The following SEPSECS variants were observed in gnomAD, a reference collection of about 807,000 sequenced individuals.
SEPSECS encodes the protein O-phosphoseryl-tRNA(Sec) selenium transferase.
In SEPSECS, 42 loss-of-function variants were observed where a neutral mutation model predicts 52.1. The observed-to-expected ratio is 0.81, with a 90% CI of 0.63 to 1.04. The LOEUF (loss-of-function observed/expected upper bound fraction) is 1.04, where lower values mean the gene tolerates loss of function less well. Ranked by LOEUF, SEPSECS falls within the 50% of genes least tolerant of loss-of-function variation. The pLI is 0.00. For synonymous variants in SEPSECS, 216 were observed against 211.4 expected, an observed-to-expected ratio of 1.02 and a Z score of -0.19; for missense variants, 590 against 610.6, an observed-to-expected ratio of 0.97 and a Z score of 0.36.
chr4:25,151,292 G>A (rs1020202108), intron 6 of SEPSECS, among the ~76,000 whole-genome samples: 1 of 152,158 alleles, frequency 6.6e-6, no homozygotes, highest in African/African-American at 2.4e-5. Flanking sequence ...AAGAGCAAAG[G>A]CCTGGAAGTG....
rs775102676 is a variant in SEPSECS, at chr4:25,123,960, G to T, written c.1477C>A (p.Leu493Ile). 1 of 1,613,396 alleles carries T rather than the reference G, an allele frequency of 6.2e-7. No individual in the cohort carries two copies. Among genetic ancestry groups the T allele is most frequent in the East Asian group, 2.2e-5 (1 of 44,882 alleles). ...EMALKLDNVL[L>I]DTYQDASS ...GAAGAAGCATCCTGGTATGTGTCAAGAAGTACATTATCTAGTTTTAAAGCC... is the reference window on the plus strand; with the variant it reads ...GAAGAAGCATCCTGGTATGTGTCAATAAGTACATTATCTAGTTTTAAAGCC... Residue 493 changes from leucine to isoleucine, a missense_variant, in exon 11 of 11, where the codon CTT becomes ATT. Coordinates refer to ENST00000382103, the MANE Select transcript of SEPSECS (RefSeq NM_016955.4).
chr4:25,127,967 G>T (rs1000375427), intron 8 of SEPSECS, among the ~76,000 whole-genome samples: 7 of 152,148 alleles, frequency 4.6e-5, no homozygotes, highest in Non-Finnish European at 8.8e-5. Flanking sequence ...TGCTTTCCCT[G>T]CATTTCCTAG....
Position 25,124,187 on chromosome 4 carries a change from T to C in SEPSECS, c.1250A>G (p.Tyr417Cys), listed in dbSNP as rs762180254. 41 of 1,613,450 alleles carry C rather than the reference T, an allele frequency of 2.5e-5. No individual in the cohort carries two copies. The highest frequency in any genetic ancestry group is 1.3e-5 in the African/African-American group (1 of 74,884). Reference protein sequence around the residue: ...PLGSMQTVSGYTFRGFMSHTN... With the variant: ...PLGSMQTVSGCTFRGFMSHTN... ...ATGTGACATAAAGCCTCTGAAAGTA[T>C]AGCCACTCACAGTTTGCATGGACCC... is the stretch of plus-strand genomic sequence containing the variant. Residue 417 changes from tyrosine to cysteine, a missense_variant, in exon 11 of 11, where the codon TAT becomes TGT. Transcript: ENST00000382103.
rs1560336118 is a variant in SEPSECS, at chr4:25,156,140, T to TA, written c.443dup (p.Thr149AsnfsTer29). 8.7e-6 allele frequency: 14 copies of TA among 1,614,060 alleles called. No homozygotes were observed. Among genetic ancestry groups the TA allele is most frequent in the Non-Finnish European group, 1.1e-5 (13 of 1,179,942 alleles). ...GTCGTAATGTTAAGAAACACAGAGT[T>TA]AGACTCATACCAGTTGCCATAGGAA... is the stretch of plus-strand genomic sequence containing the variant. On this transcript the variant is annotated frameshift_variant, in exon 4 of 11. Transcript: ENST00000382103. LOFTEE classifies it high-confidence loss of function.
intron 8 of SEPSECS, among the ~76,000 whole-genome samples, chr4:25,139,384 C>CTTTTTTTTTTTTT (rs5856888): frequency 9.2e-6 from 1 of 108,848 alleles, no homozygotes; most frequent in African/African-American, 3.5e-5. Context: ...AAAGTTGTGT[C>CTTTTTTTTTTTTT]TTTTTTTTTT....
chr4:25,120,427 G>A lies in SEPSECS; in HGVS notation c.*3504C>T, dbSNP rs1728073917. 6.6e-6 allele frequency: 1 copy of A among 152,108 alleles called. No individual in the cohort carries two copies. Among genetic ancestry groups the A allele is most frequent in the African/African-American group, 2.4e-5 (1 of 41,436 alleles). 9.4% of individuals were successfully genotyped at this position (152,108 alleles called of 1,614,324 possible). A position where few individuals can be genotyped will look rare whatever the true frequency, so the allele number is the denominator to read the frequency against. The stretch of plus-strand genomic sequence containing the variant: ...AGTGAGTGTTAGGTCTGTTTACTAA[G>A]ATTGGCCATAAGAGACATTAACCAA... On this transcript the variant is annotated 3_prime_UTR_variant, in exon 11 of 11. Transcript: ENST00000382103.
intron 8 of SEPSECS, among the ~76,000 whole-genome samples, chr4:25,127,687 C>T (rs894329045): frequency 3.3e-5 from 5 of 152,128 alleles, no homozygotes; most frequent in African/African-American, 1.2e-4. Context: ...GCAATAGATC[C>T]TAAATGATTT....
intron 8 of SEPSECS, among the ~76,000 whole-genome samples, chr4:25,139,384 C>CTTTTTTTT (rs5856888): frequency 2.8e-5 from 3 of 108,848 alleles, no homozygotes; most frequent in Non-Finnish European, 3.5e-5. Context: ...AAAGTTGTGT[C>CTTTTTTTT]TTTTTTTTTT....
chr4:25,151,931 G>C (rs1221808041), intron 6 of SEPSECS, 29 bp downstream of exon 6: 5 of 1,155,702 alleles, frequency 4.3e-6, no homozygotes, highest in African/African-American at 3.0e-5. Context: ...ATTTTTCCTT[G>C]ACATACATAT....
chr4:25,156,191 G>A lies in SEPSECS; in HGVS notation c.393C>T (p.Val131=), dbSNP rs1360652948. ...CTACAAAGCAGTTGGCTACTGTATG[G>A]ACACCTACAAATAAGAAGCAAAACA... ...LVLDIIKLAG[V]HTVANCFVVP... is the part of the protein sequence containing the mutation. The change falls in exon 4 of 11, where the codon GTC becomes GTT. Residue 131 remains valine, a synonymous_variant. Coordinates refer to ENST00000382103, the MANE Select transcript of SEPSECS (RefSeq NM_016955.4). 6.2e-7 allele frequency: 1 copy of A among 1,613,740 alleles called. No individual in the cohort carries two copies. Among genetic ancestry groups the A allele is most frequent in the Non-Finnish European group, 8.5e-7 (1 of 1,179,762 alleles).
intron 1 of SEPSECS, chr4:25,159,515 TA>T (rs1200025676): frequency 9.5e-6 from 4 of 418,896 alleles, no homozygotes; most frequent in Non-Finnish European, 1.9e-5. Flanking sequence ...CTCACGCCTG[TA>T]ATCCGAGCAC....
chr4:25,154,256 T>C (rs1397448311), intron 5 of SEPSECS, among the ~76,000 whole-genome samples: 2 of 152,156 alleles, frequency 1.3e-5, no homozygotes, highest in Non-Finnish European at 2.9e-5. Context: ...TGCCAAATAA[T>C]GTAATTCCAT....
chr4:25,126,233 G>A lies in SEPSECS; in HGVS notation c.1121-449C>T, dbSNP rs75981460. 2.5e-3 allele frequency among the ~76,000 whole-genome samples: 379 copies of A among 152,144 alleles called. 9 individuals are homozygous for A. The East Asian group carries it at 0.055, about 22-fold the overall frequency. On this transcript the variant is annotated intron_variant, in intron 9 of 10. Coordinates refer to ENST00000382103, the MANE Select transcript of SEPSECS (RefSeq NM_016955.4). Reference sequence around the variant, plus strand: ...CTGGATTGCATACATAGCACCACTCGTAGCTACCATTTACTAAGGACTCGC... The same window carrying A: ...CTGGATTGCATACATAGCACCACTCATAGCTACCATTTACTAAGGACTCGC...
Position 25,159,098 on chromosome 4 carries a change from G to T in SEPSECS, c.124C>A (p.Pro42Thr), listed in dbSNP as rs760762353. 1.1e-5 allele frequency: 18 copies of T among 1,593,910 alleles called. No homozygotes were observed. In the Admixed American group the frequency reaches 1.7e-4, roughly 15 times the overall value. Residue 42 changes from proline (P) to threonine (T), a missense_variant, in exon 2 of 11, where the codon CCA (proline) becomes ACA (threonine). Transcript: ENST00000382103. ...GTACTTTCATCCCAGCCATTCTCTGGACACTTGCCCTTAAAAAAAAAAAAA... is the reference window on the plus strand; with the variant it reads ...GTACTTTCATCCCAGCCATTCTCTGTACACTTGCCCTTAAAAAAAAAAAAA... ...IRLLLEKGKC[P>T]ENGWDESTLE...
At chr4:25,128,811 C>T (rs934545388) in intron 8 of SEPSECS, among the ~76,000 whole-genome samples, 1 of 151,908 alleles carries the variant, frequency 6.6e-6, no homozygotes, top group African/African-American at 2.4e-5. Flanking sequence ...CAAGCAGAGA[C>T]AGCAAGAAAT....
intron 6 of SEPSECS, among the ~76,000 whole-genome samples, chr4:25,149,254 T>A (rs1036791401): frequency 1.3e-5 from 2 of 151,976 alleles, no homozygotes; most frequent in African/African-American, 4.8e-5. Context: ...TTTGTAGAGA[T>A]GGAGTCTTGC....
intron 3 of SEPSECS, 109 bp from the exon 4 acceptor site, chr4:25,156,304 G>A: frequency 9.9e-7 from 1 of 1,006,884 alleles, no homozygotes; most frequent in Non-Finnish European, 1.5e-6. Flanking sequence ...GTAGCCCTAG[G>A]GCTTCTGTTT....
chr4:25,139,002 T>C (rs1728951901), intron 8 of SEPSECS, among the ~76,000 whole-genome samples: 1 of 152,230 alleles, frequency 6.6e-6, no homozygotes, highest in South Asian at 2.1e-4. Context: ...CCATCAGTAT[T>C]ACCTTAGGAC....
intron 9 of SEPSECS, among the ~76,000 whole-genome samples, chr4:25,126,954 C>T (rs537923323): frequency 2.1e-4 from 32 of 152,242 alleles, no homozygotes; most frequent in African/African-American, 4.6e-4. Context: ...CCAAACCCGA[C>T]CTGGAGAAAG....
Sources: allele counts gnomAD v4.1 joint callset (sites outside exome capture counted in the v4.1 genomes callset), GRCh38; gene constraint gnomAD v4.1.1; transcripts MANE v1.5; gene names NCBI Gene and HGNC (gene_info 2026-07-23, HGNC 2026-07-21).